The following PTPRT variants were observed in gnomAD, a reference collection of about 807,000 sequenced individuals.
PTPRT encodes the protein protein tyrosine phosphatase receptor type T, also known as receptor-type tyrosine-protein phosphatase T.
Under a neutral mutation model 176.8 loss-of-function variants are expected in PTPRT, and 56 were observed. The observed-to-expected ratio is 0.32, with a 90% confidence interval of 0.26 to 0.40. PTPRT has a LOEUF of 0.40. Among genes scored for constraint, PTPRT ranks in the 10% least tolerant of loss-of-function variants. PTPRT has a pLI of 1.00. For missense variants in PTPRT, 1,540 were observed against 1,908.2 expected, an observed-to-expected ratio of 0.81 and a Z score of 3.60; for synonymous variants, 783 against 739.0, an observed-to-expected ratio of 1.06 and a Z score of -0.96.
rs1194321096 is a variant in PTPRT at position 42,591,317 on chromosome 20, T to G, written c.1153+86549A>C. 2.0e-5 allele frequency among the ~76,000 whole-genome samples: 3 copies of G among 152,040 alleles called. No individual in the cohort carries two copies. In the East Asian group the frequency reaches 5.8e-4, roughly 29 times the overall value. On this transcript the variant is annotated intron_variant, in intron 7 of 30. Transcript: ENST00000373187. ...TAAAAACAAAGACTTCTATGAAGGT[T>G]GAAGATAGGTACAATGTCAACCTGA...
intron 9 of PTPRT, among the ~76,000 whole-genome samples, chr20:42,390,061 T>C (rs184193583): frequency 1.3e-5 from 2 of 152,324 alleles, no homozygotes; most frequent in African/African-American, 4.8e-5. Flanking sequence ...AGCCATCTAA[T>C]AGCTTTCTTC....
intron 1 of PTPRT, among the ~76,000 whole-genome samples, chr20:43,010,449 G>A (rs749600957): frequency 6.6e-6 from 1 of 152,048 alleles, no homozygotes; most frequent in Non-Finnish European, 1.5e-5. Flanking sequence ...TCCTACTCTG[G>A]CTTCTGCTCA....
At chr20:42,047,451 G>T in the PTPRT span, among the ~76,000 whole-genome samples, 1 of 152,120 alleles carries the variant, frequency 6.6e-6, no homozygotes, top group East Asian at 1.9e-4. Context: ...ACACATTCTG[G>T]TCCCATAGCC....
At chr20:42,855,282 T>C (rs969667260) in intron 2 of PTPRT, among the ~76,000 whole-genome samples, 17 of 152,088 alleles carry the variant, frequency 1.1e-4, no homozygotes, top group Non-Finnish European at 2.9e-5. Context: ...AACCTCCATC[T>C]TCAAAGTTGA....
intron 19 of PTPRT, among the ~76,000 whole-genome samples, chr20:42,126,025 T>TGG (rs144977174): frequency 3.1e-4 from 13 of 41,874 alleles, no homozygotes; most frequent in African/African-American, 6.0e-4. Flanking sequence ...TGTCTGGGAG[T>TGG]GGGGGGGGGG....
intron 7 of PTPRT, among the ~76,000 whole-genome samples, chr20:42,503,433 T>G (rs1355373292): frequency 6.6e-6 from 1 of 152,074 alleles, no homozygotes. Flanking sequence ...TTTCATGACA[T>G]AACTATTTTG....
intron 2 of PTPRT, among the ~76,000 whole-genome samples, chr20:42,885,171 TATA>T (rs2079082621): frequency 1.4e-5 from 2 of 147,414 alleles, no homozygotes; most frequent in Admixed American, 1.4e-4. Flanking sequence ...TAATATATTA[TATA>T]ATAATATGAC....
intron 1 of PTPRT, among the ~76,000 whole-genome samples, chr20:42,887,934 G>C (rs1243997969): frequency 6.6e-6 from 1 of 152,152 alleles, no homozygotes; most frequent in East Asian, 1.9e-4. Context: ...CCTTATAAAA[G>C]ATGCCCTAGG....
chr20:42,302,688 T>A (rs1016071), intron 12 of PTPRT, among the ~76,000 whole-genome samples: 1 of 151,972 alleles, frequency 6.6e-6, no homozygotes, highest in African/African-American at 2.4e-5. Context: ...GAACTGTAAC[T>A]TATTTATCTG....
chr20:42,823,346 A>AAC (rs1301552942), intron 2 of PTPRT, among the ~76,000 whole-genome samples: 1 of 152,108 alleles, frequency 6.6e-6, no homozygotes, highest in Non-Finnish European at 1.5e-5. Context: ...CTGAGAATAC[A>AAC]TGGACACACA....
intron 1 of PTPRT, among the ~76,000 whole-genome samples, chr20:43,116,604 C>T (rs576984950): frequency 1.5e-4 from 23 of 152,300 alleles, no homozygotes; most frequent in African/African-American, 5.3e-4. Flanking sequence ...TATAAGAAAT[C>T]CTACCTGATG....
At chr20:42,151,539 G>C (rs7274169) in intron 17 of PTPRT, among the ~76,000 whole-genome samples, 20,379 of 152,104 alleles carry the variant, frequency 0.13, 3,500 homozygotes, top group African/African-American at 0.41. Flanking sequence ...TCTTTATCCA[G>C]TCTATCATTG....
chr20:42,098,872 G>T (rs1600502904), intron 26 of PTPRT, among the ~76,000 whole-genome samples: 1 of 152,230 alleles, frequency 6.6e-6, no homozygotes, highest in African/African-American at 2.4e-5. Context: ...CAGATTTGTT[G>T]CTCTACTGGT....
intron 7 of PTPRT, among the ~76,000 whole-genome samples, chr20:42,663,634 T>C (rs999199270): frequency 1.3e-5 from 2 of 152,188 alleles, no homozygotes; most frequent in Non-Finnish European, 2.9e-5. Context: ...CAATACTTCA[T>C]AGATTTCACT....
intron 1 of PTPRT, among the ~76,000 whole-genome samples, chr20:43,040,621 G>C (rs2425550): frequency 0.32 from 48,087 of 151,830 alleles, 10,523 homozygotes; most frequent in African/African-American, 0.62. Flanking sequence ...GGTCCTGAAA[G>C]ATGGGAATAC....
intron 2 of PTPRT, among the ~76,000 whole-genome samples, chr20:42,850,929 G>C (rs997535226): frequency 2.0e-5 from 3 of 152,016 alleles, no homozygotes; most frequent in Non-Finnish European, 4.4e-5. Context: ...TGATTACCCG[G>C]GTCTCACTCC....
chr20:42,792,376 A>G (rs1462586329), intron 2 of PTPRT, among the ~76,000 whole-genome samples: 1 of 152,230 alleles, frequency 6.6e-6, no homozygotes, highest in Non-Finnish European at 1.5e-5. Context: ...CAGACTCATG[A>G]AAGAAACCAT....
chr20:42,228,363 C>T (rs1463361240), intron 15 of PTPRT, among the ~76,000 whole-genome samples: 3 of 152,178 alleles, frequency 2.0e-5, no homozygotes, highest in Non-Finnish European at 4.4e-5. Flanking sequence ...GTTTGGCATG[C>T]GTGACTGATG....
intron 7 of PTPRT, among the ~76,000 whole-genome samples, chr20:42,551,886 C>A (rs892114975): frequency 6.6e-6 from 1 of 152,172 alleles, no homozygotes; most frequent in African/African-American, 2.4e-5. Context: ...GGGTTCCAGT[C>A]ATTCTTAATC....
Sources: gnomAD v4.1 joint callset for allele counts (sites outside exome capture counted in the v4.1 genomes callset) on GRCh38, gnomAD v4.1.1 for gene constraint, MANE v1.5 for transcripts, NCBI Gene and HGNC (gene_info 2026-07-23, HGNC 2026-07-21) for gene names.